DGKB: variants seen among roughly 807,000 people sequenced by gnomAD.
DGKB encodes the protein 90 kDa diacylglycerol kinase.
Under a neutral mutation model 114.3 loss-of-function variants are expected in DGKB, and 67 were observed. That is an observed-to-expected ratio of 0.59 (90% CI 0.48 to 0.72). DGKB has a LOEUF of 0.72. DGKB is among the 30% of genes least tolerant of loss of function. DGKB has a pLI of 0.00. For missense variants in DGKB, 907 were observed against 975.2 expected (o/e 0.93, Z 0.93); for synonymous variants, 398 against 323.1 (o/e 1.23, Z -2.49).
chr7:14,530,781 C>T (rs1791455928), intron 20 of DGKB, among the ~76,000 whole-genome samples: 1 of 151,568 alleles, frequency 6.6e-6, no homozygotes, highest in Non-Finnish European at 1.5e-5. Context: ...ATTTCTCCCA[C>T]TAATTCGTTG....
chr7:14,892,161 G>A (rs1781340202), intron 1 of DGKB, among the ~76,000 whole-genome samples: 1 of 151,324 alleles, frequency 6.6e-6, no homozygotes, highest in Non-Finnish European at 1.5e-5. Flanking sequence ...TTGGTGGGAG[G>A]AAGAGAGAGC....
intron 21 of DGKB, among the ~76,000 whole-genome samples, chr7:14,474,436 G>A (rs1781866264): frequency 6.6e-6 from 1 of 152,152 alleles, no homozygotes; most frequent in Non-Finnish European, 1.5e-5. Flanking sequence ...GTCTTTATCA[G>A]CAGCGTGAAA....
chr7:14,777,893 T>C (rs576220163), intron 2 of DGKB, among the ~76,000 whole-genome samples: 5 of 152,314 alleles, frequency 3.3e-5, no homozygotes, highest in African/African-American at 1.2e-4. Flanking sequence ...ACTAATTTAA[T>C]TTGTCATAGC....
chr7:14,876,342 G>A (rs113443721), intron 1 of DGKB, among the ~76,000 whole-genome samples: 3 of 152,316 alleles, frequency 2.0e-5, no homozygotes, highest in African/African-American at 7.2e-5. Context: ...TGCCTAAGGG[G>A]TAGCCCTGCT....
At chr7:14,524,436 T>C (rs1790298275) in intron 20 of DGKB, among the ~76,000 whole-genome samples, 1 of 152,166 alleles carries the variant, frequency 6.6e-6, no homozygotes, top group African/African-American at 2.4e-5. Context: ...TGAGACATAG[T>C]CTGTTCATTA....
intron 24 of DGKB, 105 bp downstream of exon 24, chr7:14,177,926 T>C: frequency 8.2e-7 from 1 of 1,214,094 alleles, no homozygotes; most frequent in Non-Finnish European, 1.1e-6. Context: ...ACTGATTATT[T>C]GGAGCCCAAA....
intron 2 of DGKB, among the ~76,000 whole-genome samples, chr7:14,809,177 G>A (rs781703854): frequency 1.3e-5 from 2 of 151,964 alleles, no homozygotes; most frequent in African/African-American, 2.4e-5. Flanking sequence ...ATTCTATCCC[G>A]AAATTTAAGA....
chr7:14,251,834 CT>C (rs1223869357), intron 23 of DGKB, among the ~76,000 whole-genome samples: 1 of 152,032 alleles, frequency 6.6e-6, no homozygotes, highest in African/African-American at 2.4e-5. Flanking sequence ...ATCTCCTTTC[CT>C]GGCCTGCAAG....
intron 21 of DGKB, among the ~76,000 whole-genome samples, chr7:14,388,231 A>G (rs1363523609): frequency 6.7e-6 from 1 of 148,158 alleles, no homozygotes; most frequent in Admixed American, 6.9e-5. Context: ...AATCTTCTGC[A>G]GATTTGGTAA....
intron 2 of DGKB, among the ~76,000 whole-genome samples, chr7:14,840,789 A>G (rs958618402): frequency 1.5e-4 from 23 of 151,058 alleles, no homozygotes; most frequent in Admixed American, 1.5e-3. Context: ...GTCAGACCAT[A>G]CTGTCTCAAG....
intron 2 of DGKB, among the ~76,000 whole-genome samples, chr7:14,783,847 T>A (rs1839473160): frequency 6.6e-6 from 1 of 152,218 alleles, no homozygotes; most frequent in African/African-American, 2.4e-5. Flanking sequence ...AGAGATGGGA[T>A]CTTTTTCATA....
At chr7:14,715,772 A>G (rs1230235303) in intron 6 of DGKB, among the ~76,000 whole-genome samples, 1 of 152,188 alleles carries the variant, frequency 6.6e-6, no homozygotes, top group Non-Finnish European at 1.5e-5. Flanking sequence ...CTTTCCTTCT[A>G]TGACATTTTG....
At chr7:14,468,106 T>G (rs1780744601) in intron 21 of DGKB, among the ~76,000 whole-genome samples, 1 of 152,172 alleles carries the variant, frequency 6.6e-6, no homozygotes, top group Admixed American at 6.6e-5. Flanking sequence ...GTATTTAAAT[T>G]TCATATCAAA....
At chr7:14,422,432 T>C (rs2128767042) in intron 21 of DGKB, among the ~76,000 whole-genome samples, 1 of 152,206 alleles carries the variant, frequency 6.6e-6, no homozygotes, top group East Asian at 1.9e-4. Flanking sequence ...TTTTTGATTA[T>C]TTCTTTAGAA....
intron 17 of DGKB, among the ~76,000 whole-genome samples, chr7:14,588,533 C>G (rs936762760): frequency 4.6e-5 from 7 of 151,918 alleles, no homozygotes; most frequent in African/African-American, 9.7e-5. Flanking sequence ...TTCTTCTCTC[C>G]CCACTTTCTC....
intron 21 of DGKB, among the ~76,000 whole-genome samples, chr7:14,379,997 A>G (rs1288393919): frequency 1.3e-5 from 2 of 152,148 alleles, no homozygotes; most frequent in Non-Finnish European, 2.9e-5. Context: ...GCAGTCAGGA[A>G]TTGGTTTTGG....
intron 17 of DGKB, among the ~76,000 whole-genome samples, chr7:14,601,847 C>T (rs1371860945): frequency 6.6e-6 from 1 of 152,120 alleles, no homozygotes; most frequent in East Asian, 1.9e-4. Context: ...CTTTCTTATC[C>T]ATATTTCTAG....
chr7:14,834,522 A>C (rs1846877184), intron 2 of DGKB, among the ~76,000 whole-genome samples: 1 of 152,112 alleles, frequency 6.6e-6, no homozygotes, highest in Non-Finnish European at 1.5e-5. Context: ...GCCAGCACAC[A>C]GTCACGAGTG....
At chr7:14,431,449 T>C (rs1828436699) in intron 21 of DGKB, among the ~76,000 whole-genome samples, 1 of 152,158 alleles carries the variant, frequency 6.6e-6, no homozygotes, top group Non-Finnish European at 1.5e-5. Context: ...AGTGTAAACA[T>C]AAACTGTGCT....
Sources: allele counts gnomAD v4.1 joint callset (sites outside exome capture counted in the v4.1 genomes callset), GRCh38; gene constraint gnomAD v4.1.1; transcripts MANE v1.5; gene names NCBI Gene and HGNC (gene_info 2026-07-23, HGNC 2026-07-21).